The following MCC variants were observed in gnomAD, a reference collection of about 807,000 sequenced individuals.
The protein encoded by MCC is MCC regulator of Wnt signaling pathway.
In MCC, 90 loss-of-function variants were observed where a neutral mutation model predicts 116.2. The ratio of observed to expected loss-of-function variants is 0.77; its 90% confidence interval spans 0.65 to 0.92. The LOEUF is 0.92. Among genes scored for constraint, MCC ranks in the 40% least tolerant of loss-of-function variants. MCC has a pLI of 0.00. For synonymous variants in MCC, 578 were observed against 510.5 expected (o/e 1.13, Z -1.78); for missense variants, 1,516 against 1,312.2 (o/e 1.16, Z -2.40).
chr5:113,048,673 G>C, intron 16 of MCC: 1 of 287,630 alleles, frequency 3.5e-6, no homozygotes, highest in East Asian at 6.2e-5. Context: ...AATATATAAG[G>C]GTTCAGTATT....
At chr5:113,051,256 C>T (rs1387158294) in intron 15 of MCC, among the ~76,000 whole-genome samples, 2 of 152,140 alleles carry the variant, frequency 1.3e-5, no homozygotes, top group Non-Finnish European at 2.9e-5. Flanking sequence ...TCTCCCCCTA[C>T]CCCCACCACC....
At chr5:113,027,928 G>T (rs1750683097) in intron 18 of MCC, among the ~76,000 whole-genome samples, 1 of 152,200 alleles carries the variant, frequency 6.6e-6, no homozygotes, top group Non-Finnish European at 1.5e-5. Context: ...GGTTGTTCTT[G>T]TTCCACCTTC....
rs5870539 is a variant in MCC, at chr5:113,373,907, GTT to G, written c.415+11059_415+11060del. 7.5e-5 allele frequency among the ~76,000 whole-genome samples: 11 copies of G among 146,366 alleles called. No individual in the cohort carries two copies. In the South Asian group the frequency reaches 1.5e-3, roughly 20 times the overall value. On this transcript the variant is annotated intron_variant, in intron 2 of 18. Transcript: ENST00000408903. ...TGAGAAGCTGAGGTTTTTTGTTTTTGTTTTTTTTTTTTGAGACAGGGTCTCAC... is the reference window on the plus strand; with the variant it reads ...TGAGAAGCTGAGGTTTTTTGTTTTTGTTTTTTTTTTGAGACAGGGTCTCAC...
At chr5:113,153,653 T>C (rs570057803) in intron 3 of MCC, among the ~76,000 whole-genome samples, 1 of 152,278 alleles carries the variant, frequency 6.6e-6, no homozygotes, top group Non-Finnish European at 1.5e-5. Context: ...AGAGATGAGT[T>C]TGGGATGCAT....
chr5:113,223,092 C>T (rs1186643765), intron 3 of MCC, among the ~76,000 whole-genome samples: 2 of 152,088 alleles, frequency 1.3e-5, no homozygotes, highest in Non-Finnish European at 2.9e-5. Flanking sequence ...CGGTGACACA[C>T]GTATAAAAAT....
At chr5:113,345,230 G>T (rs768152997) in intron 2 of MCC, among the ~76,000 whole-genome samples, 1 of 152,122 alleles carries the variant, frequency 6.6e-6, no homozygotes, top group Non-Finnish European at 1.5e-5. Context: ...TTGAGGGCCA[G>T]CATAGCCATA....
chr5:113,453,913 C>A (rs1771470427), intron 1 of MCC, among the ~76,000 whole-genome samples: 1 of 152,058 alleles, frequency 6.6e-6, no homozygotes. Flanking sequence ...GAGTTCGAGA[C>A]CACCCTGACC....
At chr5:113,433,066 G>C (rs1368573983) in intron 1 of MCC, 1 of 152,764 alleles carries the variant, frequency 6.5e-6, no homozygotes, top group Non-Finnish European at 1.5e-5. Context: ...AATACTGAAA[G>C]AAGCACATAT....
At chr5:113,176,288 A>T (rs1761331966) in intron 3 of MCC, among the ~76,000 whole-genome samples, 1 of 152,234 alleles carries the variant, frequency 6.6e-6, no homozygotes, top group Non-Finnish European at 1.5e-5. Flanking sequence ...TAAGGACTGT[A>T]TTAACAGCCC....
At chr5:113,181,984 A>G (rs1761653086) in intron 3 of MCC, among the ~76,000 whole-genome samples, 1 of 152,142 alleles carries the variant, frequency 6.6e-6, no homozygotes, top group Non-Finnish European at 1.5e-5. Flanking sequence ...TCCTTCCCAC[A>G]GCTGAGCCAG....
chr5:113,455,323 T>C (rs775706370), intron 1 of MCC, among the ~76,000 whole-genome samples: 2 of 152,188 alleles, frequency 1.3e-5, no homozygotes, highest in African/African-American at 4.8e-5. Context: ...GTCTGTCCCT[T>C]ACTAGAGTAG....
At chr5:113,258,189 A>G (rs1186320390) in intron 3 of MCC, among the ~76,000 whole-genome samples, 5 of 152,228 alleles carry the variant, frequency 3.3e-5, no homozygotes, top group African/African-American at 1.2e-4. Context: ...CCAAAGTACA[A>G]TGCTTATAGG....
At chr5:113,278,539 C>T (rs192376763) in intron 3 of MCC, among the ~76,000 whole-genome samples, 1 of 152,264 alleles carries the variant, frequency 6.6e-6, no homozygotes, top group East Asian at 1.9e-4. Context: ...TCCAAGGTAA[C>T]TAACATTTAA....
At chr5:113,035,359 C>T (rs997615156) in intron 17 of MCC, among the ~76,000 whole-genome samples, 3 of 152,208 alleles carry the variant, frequency 2.0e-5, no homozygotes, top group African/African-American at 2.4e-5. Flanking sequence ...ACTTCTCACC[C>T]GGACAACCAC....
At chr5:113,084,227 C>A in intron 9 of MCC, 37 bp from the exon 10 acceptor site, 1 of 1,475,814 alleles carries the variant, frequency 6.8e-7, no homozygotes, top group Non-Finnish European at 9.5e-7. Context: ...GAAAACTACA[C>A]ACCACTCCTC....
At chr5:113,039,394 T>C (rs1036383419) in intron 17 of MCC, among the ~76,000 whole-genome samples, 2 of 152,132 alleles carry the variant, frequency 1.3e-5, no homozygotes, top group African/African-American at 4.8e-5. Context: ...GGCTGACATA[T>C]GCCATTGCTT....
intron 3 of MCC, among the ~76,000 whole-genome samples, chr5:113,200,239 T>C (rs2150318212): frequency 6.6e-6 from 1 of 152,350 alleles, no homozygotes; most frequent in South Asian, 2.1e-4. Flanking sequence ...GGAATCTCAT[T>C]ATAAATGCAT....
At chr5:113,069,776 C>T (rs778227424) in intron 12 of MCC, among the ~76,000 whole-genome samples, 3 of 152,026 alleles carry the variant, frequency 2.0e-5, no homozygotes, top group African/African-American at 7.2e-5. Flanking sequence ...TTAGTAGCGA[C>T]GGGGTTTCAC....
At position 113,053,953 on chromosome 5, in the gene MCC, G is replaced by T; in HGVS notation, c.2220C>A (p.Thr740=). Residue 740 remains threonine, a synonymous_variant, in exon 15 of 19, where the codon ACC becomes ACA. Coordinates refer to ENST00000408903, the MANE Select transcript of MCC (RefSeq NM_001085377.2). The part of the protein sequence containing the change: ...SLSSNSHTST[T]SSTASSCDTE... ...TGTCGCAACTACTGGCTGTGGAGCT[G>T]GTTGTGCTGAGAAAGAAGAAAAACA... The T allele has an allele frequency of 6.2e-7, 1 of 1,609,054 alleles. No individual in the cohort carries two copies. Among genetic ancestry groups the T allele is most frequent in the South Asian group, 1.1e-5 (1 of 90,956 alleles).
Sources: allele counts gnomAD v4.1 joint callset (sites outside exome capture counted in the v4.1 genomes callset), GRCh38; gene constraint gnomAD v4.1.1; transcripts MANE v1.5; gene names NCBI Gene and HGNC (gene_info 2026-07-23, HGNC 2026-07-21).